The following YAP1 variants were observed in gnomAD, a reference collection of about 807,000 sequenced individuals.
YAP1 encodes the protein Yes1 associated transcriptional regulator.
In YAP1, 5 loss-of-function variants were observed where a neutral mutation model predicts 56.9. The observed-to-expected ratio is 0.09, with a 90% CI of 0.05 to 0.18. YAP1 has a LOEUF of 0.18. Among genes scored for constraint, YAP1 ranks in the 10% least tolerant of loss-of-function variants. The probability of loss-of-function intolerance (pLI) is 1.00; values close to 1 mark genes in which losing one functional copy is unlikely to be tolerated. For missense variants in YAP1, 539 were observed against 651.8 expected (o/e 0.83, Z 1.88); for synonymous variants, 265 against 248.1 (o/e 1.07, Z -0.64).
At chr11:102,154,669 T>C (rs1164976984) in intron 2 of YAP1, among the ~76,000 whole-genome samples, 1 of 152,198 alleles carries the variant, frequency 6.6e-6, no homozygotes, top group Non-Finnish European at 1.5e-5. Flanking sequence ...GCCACCTTAA[T>C]ATCTGTCATA....
chr11:102,141,942 G>GTA (rs1945048415), intron 2 of YAP1, among the ~76,000 whole-genome samples: 1 of 152,138 alleles, frequency 6.6e-6, no homozygotes, highest in Non-Finnish European at 1.5e-5. Flanking sequence ...TATGTGATTC[G>GTA]TAAGAACTTT....
intron 2 of YAP1, among the ~76,000 whole-genome samples, chr11:102,123,654 T>C (rs1565429600): frequency 6.6e-6 from 1 of 150,946 alleles, no homozygotes; most frequent in Admixed American, 6.6e-5. Context: ...TTCTTTTTTT[T>C]TTCGAGACAC....
rs56934997 is a variant in YAP1, at chr11:102,122,895, CAAAA to C, written c.572+8519_572+8522del. On this transcript the variant is annotated intron_variant, in intron 2 of 8. Coordinates refer to ENST00000282441, the MANE Select transcript of YAP1 (RefSeq NM_001130145.3). Reference sequence around the variant, plus strand: ...TGGGGGACAAGAGCGAGACTTCTCTCAAAAAAAAAAAAAAAAAAAAAGCAAAGAA... The same window carrying C: ...TGGGGGACAAGAGCGAGACTTCTCTCAAAAAAAAAAAAAAAAAGCAAAGAA... Among the ~76,000 whole-genome samples the C allele has an allele frequency of 8.9e-4, 71 of 79,456 alleles. 2 individuals carry two copies. The highest frequency in any genetic ancestry group is 5.5e-3 in the East Asian group (14 of 2,544). The allele number at this position is 79,456 out of a possible 152,430, so 52.1% of individuals were successfully genotyped here.
chr11:102,162,614 C>T (rs376366224), intron 3 of YAP1, 43 bp downstream of exon 3: 94 of 1,571,094 alleles, frequency 6.0e-5, no homozygotes, highest in South Asian at 1.9e-4. Flanking sequence ...GTAATGCTTA[C>T]GCATTGGTAA....
chr11:102,114,929 C>T (rs1411695494), intron 2 of YAP1, among the ~76,000 whole-genome samples: 1 of 151,992 alleles, frequency 6.6e-6, no homozygotes, highest in African/African-American at 2.4e-5. Context: ...CAATATTTCC[C>T]CCCAAAAATG....
intron 2 of YAP1, among the ~76,000 whole-genome samples, chr11:102,140,079 G>A (rs1193187422): frequency 6.6e-6 from 1 of 152,038 alleles, no homozygotes; most frequent in Non-Finnish European, 1.5e-5. Flanking sequence ...GTGAATCTTA[G>A]AACCTTTCCA....
intron 2 of YAP1, among the ~76,000 whole-genome samples, chr11:102,132,946 T>G (rs547610575): frequency 6.6e-6 from 1 of 152,134 alleles, no homozygotes; most frequent in Non-Finnish European, 1.5e-5. Context: ...TCACCTGAGG[T>G]CAGGAGATGG....
intron 3 of YAP1, among the ~76,000 whole-genome samples, chr11:102,172,300 ATTTTTTTTTTTTTTTT>A (rs752185861): frequency 9.9e-5 from 11 of 110,838 alleles, no homozygotes; most frequent in African/African-American, 4.7e-4. Flanking sequence ...ACAGTGAAGA[ATTTTTTTTTTTTTTTT>A]TTTTTTTTTT....
intron 4 of YAP1, among the ~76,000 whole-genome samples, chr11:102,204,735 G>T (rs966788490): frequency 6.6e-6 from 1 of 152,182 alleles, no homozygotes; most frequent in Non-Finnish European, 1.5e-5. Flanking sequence ...TTGTAGCAAG[G>T]TTTATATGAG....
chr11:102,124,958 A>T (rs1417250538), intron 2 of YAP1, among the ~76,000 whole-genome samples: 1 of 151,944 alleles, frequency 6.6e-6, no homozygotes, highest in African/African-American at 2.4e-5. Flanking sequence ...GGTTGGTCTC[A>T]AACTTGTGAG....
At chr11:102,111,459 C>T (rs960043939) in intron 1 of YAP1, among the ~76,000 whole-genome samples, 1 of 146,620 alleles carries the variant, frequency 6.8e-6, no homozygotes, top group African/African-American at 2.5e-5. Context: ...TCTTTCTTCC[C>T]GGGGTTCCCG....
At chr11:102,217,997 G>A (rs374126482) in intron 6 of YAP1, among the ~76,000 whole-genome samples, 18 of 152,062 alleles carry the variant, frequency 1.2e-4, no homozygotes, top group Admixed American at 3.3e-4. Flanking sequence ...CACTGCACCC[G>A]GCTGAGGATG....
intron 3 of YAP1, among the ~76,000 whole-genome samples, chr11:102,182,218 G>A (rs1472442839): frequency 6.6e-6 from 1 of 152,178 alleles, no homozygotes; most frequent in Non-Finnish European, 1.5e-5. Flanking sequence ...GTAAGGCTCA[G>A]CAACATGTGT....
chr11:102,225,481 G>A (rs1217610470), intron 7 of YAP1, among the ~76,000 whole-genome samples: 1 of 152,090 alleles, frequency 6.6e-6, no homozygotes, highest in Non-Finnish European at 1.5e-5. Flanking sequence ...GTGAAACTTG[G>A]TCTCAAAAAA....
chr11:102,130,474 G>A (rs553303758), intron 2 of YAP1, among the ~76,000 whole-genome samples: 138 of 152,170 alleles, frequency 9.1e-4, no homozygotes, highest in Non-Finnish European at 1.5e-3. Flanking sequence ...TATGATCTTG[G>A]CTCACTGTAG....
chr11:102,214,685 T>G (rs1388521156), intron 6 of YAP1, among the ~76,000 whole-genome samples: 1 of 152,192 alleles, frequency 6.6e-6, no homozygotes, highest in Non-Finnish European at 1.5e-5. Flanking sequence ...TTTTAATGGG[T>G]ACATTGAAAA....
At chr11:102,148,136 A>T (rs1237703353) in intron 2 of YAP1, among the ~76,000 whole-genome samples, 1 of 152,190 alleles carries the variant, frequency 6.6e-6, no homozygotes, top group East Asian at 1.9e-4. Flanking sequence ...ACTCTGTTTT[A>T]AAATTCTAGC....
At chr11:102,119,695 T>A (rs560239179) in intron 2 of YAP1, among the ~76,000 whole-genome samples, 1 of 151,650 alleles carries the variant, frequency 6.6e-6, no homozygotes, top group African/African-American at 2.4e-5. Flanking sequence ...TCTTTAGTTA[T>A]GTAGAGAAAT....
In YAP1 at chr11:102,165,079, G is replaced by T. The variant is rs1010589719; in HGVS notation, c.688+2508G>T. ...GTTTTATTTCAGCTGTATGTCCTGG[G>T]CAGGTACAGTGGCTCACACCTATAA... On this transcript the variant is annotated intron_variant, in intron 3 of 8. Transcript: ENST00000282441. 4.6e-5 allele frequency among the ~76,000 whole-genome samples: 7 copies of T among 151,982 alleles called. No individual in the cohort carries two copies. In the East Asian group the frequency reaches 1.4e-3, roughly 29 times the overall value.
Sources: allele counts gnomAD v4.1 joint callset (sites outside exome capture counted in the v4.1 genomes callset), GRCh38; gene constraint gnomAD v4.1.1; transcripts MANE v1.5; gene names NCBI Gene and HGNC (gene_info 2026-07-23, HGNC 2026-07-21).